The following DNAH9 variants were observed in gnomAD, a reference collection of about 807,000 sequenced individuals.
DNAH9 encodes the protein DNAH9 variant protein.
DNAH9 carries 345 observed loss-of-function variants against 471.6 expected under a neutral mutation model. That is an observed-to-expected ratio of 0.73 (90% confidence interval 0.67 to 0.80). The LOEUF (loss-of-function observed/expected upper bound fraction) is 0.80. Among genes scored for constraint, DNAH9 ranks in the 30% least tolerant of loss-of-function variants. DNAH9 has a pLI of 0.00. For synonymous variants in DNAH9, 2,093 were observed against 2,123.6 expected, an observed-to-expected ratio of 0.99 and a Z score of 0.40; for missense variants, 5,407 against 5,609.2, an observed-to-expected ratio of 0.96 and a Z score of 1.15.
rs28377519 is a variant in DNAH9 at position 11,847,326 on chromosome 17, G to A, written c.9508-6677G>A. Among the ~76,000 whole-genome samples the A allele has an allele frequency of 4.1e-3, 620 of 152,230 alleles. 4 individuals are homozygous for A. Among genetic ancestry groups the A allele is most frequent in the African/African-American group, 0.014 (566 of 41,548 alleles). On this transcript the variant is annotated intron_variant, in intron 49 of 68. Transcript: ENST00000262442. The stretch of plus-strand genomic sequence containing the variant: ...GGTATTGCCTAGGTTGTCTTCTTGG[G>A]TTTTTATAATTTTGGGTTTTACATT...
At chr17:11,907,981 G>C (rs1260004856) in intron 61 of DNAH9, among the ~76,000 whole-genome samples, 1 of 152,166 alleles carries the variant, frequency 6.6e-6, no homozygotes, top group Non-Finnish European at 1.5e-5. Context: ...GATTTAGCGT[G>C]CACTGTGTTC....
intron 48 of DNAH9, among the ~76,000 whole-genome samples, chr17:11,834,048 G>T (rs1970756109): frequency 6.6e-6 from 1 of 152,166 alleles, no homozygotes; most frequent in Non-Finnish European, 1.5e-5. Flanking sequence ...AAAGGTCAGG[G>T]CCGGGTGTGG....
intron 65 of DNAH9, among the ~76,000 whole-genome samples, chr17:11,935,833 G>A (rs1974694412): frequency 1.3e-5 from 2 of 152,026 alleles, no homozygotes; most frequent in Non-Finnish European, 2.9e-5. Context: ...AATCGTAAAA[G>A]TCATTTGATC....
At chr17:11,902,967 A>C in intron 60 of DNAH9, 55 bp downstream of exon 60, 127 of 1,557,024 alleles carry the variant, frequency 8.2e-5, no homozygotes, top group Non-Finnish European at 1.0e-4. Context: ...GGGCAACCTC[A>C]GGACAACTGG....
intron 22 of DNAH9, among the ~76,000 whole-genome samples, chr17:11,699,125 T>C (rs1434776030): frequency 6.6e-6 from 1 of 152,140 alleles, no homozygotes; most frequent in Non-Finnish European, 1.5e-5. Flanking sequence ...GGCACACACC[T>C]GTAATCTCAG....
At position 11,690,011 on chromosome 17, in the gene DNAH9, T is replaced by C. The variant is rs1343148042; in HGVS notation, c.4189T>C (p.Phe1397Leu). The change falls in exon 20 of 69, where the codon TTC becomes CTC. Residue 1397 changes from phenylalanine (F) to leucine (L), a missense_variant. By Grantham distance (22) the Phe-to-Leu change is conservative. Around this residue, in one of 3 missense-constraint regions of DNAH9, gnomAD observed 4,636 missense variants for 4,900.3 expected, o/e 0.95. Transcript: ENST00000262442. Reference sequence around the variant, plus strand: ...GCTGATGCAGGCCACCGGTGTGAGCTTCACTATGGACCAGGACACCACCCT... The same window carrying C: ...GCTGATGCAGGCCACCGGTGTGAGCCTCACTATGGACCAGGACACCACCCT... ...RQLMQATGVSFTMDQDTTLAH... is the reference protein window; with the variant it reads ...RQLMQATGVSLTMDQDTTLAH... 1 of 1,614,116 alleles carries C rather than the reference T, an allele frequency of 6.2e-7. No individual in the cohort carries two copies. Among genetic ancestry groups the C allele is most frequent in the Admixed American group, 1.7e-5 (1 of 60,024 alleles).
At position 11,705,070 on chromosome 17, in the gene DNAH9, C is replaced by T. The variant is rs1043537828; in HGVS notation, c.5437C>T (p.Arg1813Cys). ...CCTCTGGCTGTCTCAGCTGCGCCATCGTTGGGATGACGAGGTCAAACACTG... is the reference window on the plus strand; with the variant it reads ...CCTCTGGCTGTCTCAGCTGCGCCATTGTTGGGATGACGAGGTCAAACACTG... ...AFLWLSQLRH[R>C]WDDEVKHCFA... Residue 1813 changes from arginine (R) to cysteine (C), a missense_variant, in exon 26 of 69, where the codon CGT (arginine) becomes TGT (cysteine). Transcript: ENST00000262442. 5 of 1,614,054 alleles carry T rather than the reference C, an allele frequency of 3.1e-6. No homozygotes were observed. Among genetic ancestry groups the T allele is most frequent in the African/African-American group, 2.7e-5 (2 of 74,940 alleles).
intron 20 of DNAH9, among the ~76,000 whole-genome samples, chr17:11,691,453 C>T (rs1421511696): frequency 6.6e-6 from 1 of 152,184 alleles, no homozygotes; most frequent in Non-Finnish European, 1.5e-5. Context: ...TTAACCTCTA[C>T]ACAGTGCCAC....
intron 66 of DNAH9, among the ~76,000 whole-genome samples, chr17:11,940,163 T>G (rs1974854505): frequency 2.6e-5 from 4 of 152,218 alleles, no homozygotes; most frequent in Admixed American, 2.6e-4. Context: ...TGTTTGTCTG[T>G]GGAAATAAGG....
Position 11,869,219 on chromosome 17 carries a change from T to C in DNAH9, c.10019T>C (p.Val3340Ala). 1 of 1,613,822 alleles carries C rather than the reference T, an allele frequency of 6.2e-7. No individual in the cohort carries two copies. Among genetic ancestry groups the C allele is most frequent in the Non-Finnish European group, 8.5e-7 (1 of 1,179,826 alleles). Reference protein sequence around the residue: ...DKLKCQQEAEVTAVTISLANR... With the variant: ...DKLKCQQEAEATAVTISLANR... ...CTCAAATGTCAGCAAGAAGCCGAAG[T>C]GACCGCAGTCACCATCTCCCTTGCC... is the stretch of plus-strand genomic sequence containing the variant. Residue 3340 changes from valine to alanine, a missense_variant, in exon 51 of 69, where the codon GTG becomes GCG. Around this residue, in one of 3 missense-constraint regions of DNAH9, gnomAD observed 4,636 missense variants for 4,900.3 expected, o/e 0.95. Coordinates refer to ENST00000262442, the MANE Select transcript of DNAH9 (RefSeq NM_001372.4).
At position 11,891,964 on chromosome 17, in the gene DNAH9, GA is replaced by G; in HGVS notation, c.11283+19del. 1.2e-6 allele frequency: 2 copies of G among 1,608,936 alleles called. No homozygotes were observed. The highest frequency in any genetic ancestry group is 1.7e-6 in the Non-Finnish European group (2 of 1,176,506). Reference sequence around the variant, plus strand: ...ACCTTTCAGGTAAAAGTGGATTGAAGAAGTTTCCAGAAAACAGGTTATTTTT... The same window carrying G: ...ACCTTTCAGGTAAAAGTGGATTGAAGAGTTTCCAGAAAACAGGTTATTTTT... On this transcript the variant is annotated intron_variant, in intron 58 of 68. Transcript: ENST00000262442.
chr17:11,630,123 G>A (rs1237607752), intron 7 of DNAH9: 1 of 153,050 alleles, frequency 6.5e-6, no homozygotes, highest in African/African-American at 2.4e-5. Context: ...CGTACAACAT[G>A]GTGAAGACGG....
At chr17:11,625,076 GCACACACA>G (rs3039431) in intron 6 of DNAH9, among the ~76,000 whole-genome samples, 1 of 149,958 alleles carries the variant, frequency 6.7e-6, no homozygotes, top group African/African-American at 2.4e-5. Flanking sequence ...ATGCATCAGT[GCACACACA>G]CACACACACA....
intron 50 of DNAH9, among the ~76,000 whole-genome samples, chr17:11,867,233 A>G (rs1246998311): frequency 6.6e-6 from 1 of 152,110 alleles, no homozygotes; most frequent in Non-Finnish European, 1.5e-5. Flanking sequence ...CTAGAAAATT[A>G]TTTTGTATTA....
At chr17:11,759,758 C>G (rs1429103040) in intron 35 of DNAH9, among the ~76,000 whole-genome samples, 3 of 150,876 alleles carry the variant, frequency 2.0e-5, no homozygotes, top group Non-Finnish European at 4.4e-5. Flanking sequence ...GTGATCTCAG[C>G]TCACTGCAAC....
intron 6 of DNAH9, among the ~76,000 whole-genome samples, chr17:11,620,761 C>G (rs1304609084): frequency 6.6e-6 from 1 of 152,112 alleles, no homozygotes; most frequent in Non-Finnish European, 1.5e-5. Context: ...ATAACCATTC[C>G]CGCAAAGCTG....
chr17:11,603,471 C>G (rs2072429326), intron 1 of DNAH9, among the ~76,000 whole-genome samples: 1 of 152,146 alleles, frequency 6.6e-6, no homozygotes, highest in African/African-American at 2.4e-5. Context: ...TTCTGCCATC[C>G]CATCCGTTGC....
chr17:11,684,465 T>G (rs2150745982), intron 19 of DNAH9, among the ~76,000 whole-genome samples: 1 of 152,298 alleles, frequency 6.6e-6, no homozygotes. Flanking sequence ...GTGCAACTCT[T>G]AAAGCTGGTG....
intron 59 of DNAH9, 140 bp downstream of exon 59, chr17:11,894,636 T>C: frequency 2.7e-6 from 3 of 1,129,608 alleles, no homozygotes; most frequent in Non-Finnish European, 2.5e-6. Flanking sequence ...TCCCTTTCCT[T>C]GCGTCCCCAC....
Sources: gnomAD v4.1 joint callset for allele counts (sites outside exome capture counted in the v4.1 genomes callset) on GRCh38, gnomAD v4.1.1 for gene constraint, gnomAD v4.1.1 regional missense constraint, MANE v1.5 for transcripts, NCBI Gene and HGNC (gene_info 2026-07-23, HGNC 2026-07-21) for gene names.